Variants in TTBK2 observed in about 807,000 individuals in gnomAD.
TTBK2 encodes tau tubulin kinase 2.
Under a neutral mutation model 110.8 loss-of-function variants are expected in TTBK2, and 28 were observed. The observed-to-expected ratio is 0.25, with a 90% confidence interval of 0.19 to 0.35. TTBK2 has a LOEUF of 0.35. TTBK2 is among the 10% of genes least tolerant of loss of function. The pLI is 1.00. For missense variants in TTBK2, 1,369 were observed against 1,500.3 expected, an observed-to-expected ratio of 0.91 and a Z score of 1.45; for synonymous variants, 532 against 527.3, an observed-to-expected ratio of 1.01 and a Z score of -0.12.
intron 3 of TTBK2, among the ~76,000 whole-genome samples, chr15:42,862,270 G>C (rs1313170480): frequency 2.6e-5 from 4 of 152,002 alleles, no homozygotes; most frequent in African/African-American, 7.2e-5. Context: ...AAATTTGGCA[G>C]AAACACAATA....
chr15:42,888,130 C>T (rs577288257), intron 1 of TTBK2, among the ~76,000 whole-genome samples: 3 of 152,062 alleles, frequency 2.0e-5, no homozygotes, highest in Non-Finnish European at 2.9e-5. Context: ...GTGCAGTGAC[C>T]ACCACTGCTT....
chr15:42,854,509 C>T (rs923813663), intron 3 of TTBK2, among the ~76,000 whole-genome samples: 1 of 152,112 alleles, frequency 6.6e-6, no homozygotes, highest in Admixed American at 6.6e-5. Flanking sequence ...TGAGGAAAAA[C>T]AATTGGTTTT....
At chr15:42,842,889 A>T (rs1893284607) in intron 3 of TTBK2, among the ~76,000 whole-genome samples, 1 of 152,184 alleles carries the variant, frequency 6.6e-6, no homozygotes. Flanking sequence ...TGATCACTTA[A>T]CATGTATTTT....
At chr15:42,754,710 T>G (rs1217602787) in intron 13 of TTBK2, among the ~76,000 whole-genome samples, 1 of 140,510 alleles carries the variant, frequency 7.1e-6, no homozygotes, top group Non-Finnish European at 1.5e-5. Context: ...ACCTGACCAA[T>G]TTTTAAAGAT....
intron 2 of TTBK2, among the ~76,000 whole-genome samples, chr15:42,874,033 G>C (rs903233926): frequency 3.3e-5 from 5 of 151,980 alleles, no homozygotes; most frequent in African/African-American, 1.2e-4. Flanking sequence ...CACTTTACCA[G>C]GCCATACCTC....
intron 10 of TTBK2, among the ~76,000 whole-genome samples, chr15:42,791,867 C>T (rs759575302): frequency 7.3e-5 from 11 of 151,614 alleles, no homozygotes; most frequent in Admixed American, 2.0e-4. Flanking sequence ...GTAGGCTGGG[C>T]GTGGTGGCTC....
In TTBK2 at chr15:42,746,196, C is replaced by A; in HGVS notation, c.3334G>T (p.Ala1112Ser). 6.2e-7 allele frequency: 1 copy of A among 1,614,036 alleles called. No individual in the cohort carries two copies. The highest frequency in any genetic ancestry group is 8.5e-7 in the Non-Finnish European group (1 of 1,180,004). ...TGAGATCCATTTTGAAGAATTTGGG[C>A]CAGGCGGGAGAAAAGGTCTGAGTCG... is the stretch of plus-strand genomic sequence containing the variant. Reference protein sequence around the residue: ...NSDSDLFSRLAQILQNGSQKP... With the variant: ...NSDSDLFSRLSQILQNGSQKP... Residue 1112 changes from alanine (A) to serine (S), a missense_variant, in exon 15 of 15, where the codon GCC becomes TCC. Coordinates refer to ENST00000267890, the MANE Select transcript of TTBK2 (RefSeq NM_173500.4).
intron 13 of TTBK2, among the ~76,000 whole-genome samples, chr15:42,765,132 A>G (rs565222239): frequency 7.8e-4 from 119 of 152,368 alleles, no homozygotes; most frequent in African/African-American, 2.8e-3. Context: ...AAAGGTAGAT[A>G]AAACCACAAA....
At chr15:42,747,461 G>T (rs966245994) in intron 14 of TTBK2, among the ~76,000 whole-genome samples, 1 of 152,186 alleles carries the variant, frequency 6.6e-6, no homozygotes, top group Non-Finnish European at 1.5e-5. Context: ...TTCCACGATG[G>T]GGGGAGGAGG....
intron 9 of TTBK2, among the ~76,000 whole-genome samples, chr15:42,796,400 CA>C (rs544574085): frequency 2.0e-4 from 30 of 146,880 alleles, no homozygotes; most frequent in Non-Finnish European, 2.8e-4. Context: ...ACTCGGGTCT[CA>C]AAAAAAAAGA....
chr15:42,837,770 T>A (rs1893052546), intron 4 of TTBK2, among the ~76,000 whole-genome samples: 1 of 151,780 alleles, frequency 6.6e-6, no homozygotes, highest in African/African-American at 2.4e-5. Context: ...AAGATTATAG[T>A]CTACAGACGT....
chr15:42,857,963 G>A (rs560304087), intron 3 of TTBK2, among the ~76,000 whole-genome samples: 1 of 151,966 alleles, frequency 6.6e-6, no homozygotes, highest in Non-Finnish European at 1.5e-5. Flanking sequence ...CATGCCTGTC[G>A]TCCCAGCTAC....
intron 7 of TTBK2, among the ~76,000 whole-genome samples, 172 bp downstream of exon 7, chr15:42,816,860 G>A (rs943178424): frequency 4.0e-5 from 6 of 151,608 alleles, no homozygotes; most frequent in Admixed American, 1.3e-4. Flanking sequence ...CAGAGGTTGC[G>A]GTGAGCCAAG....
At chr15:42,816,893 C>G (rs1308824927) in intron 7 of TTBK2, 139 bp downstream of exon 7, 1 of 391,534 alleles carries the variant, frequency 2.6e-6, no homozygotes, top group Non-Finnish European at 3.8e-6. Context: ...CACTCCAGCC[C>G]GGGCGACAGT....
intron 9 of TTBK2, among the ~76,000 whole-genome samples, chr15:42,803,475 A>C (rs1314554743): frequency 6.6e-6 from 1 of 152,170 alleles, no homozygotes; most frequent in Non-Finnish European, 1.5e-5. Context: ...TGGCTGCCCC[A>C]GGACCTGAGG....
At chr15:42,801,412 G>C (rs376629186) in intron 9 of TTBK2, 3 of 1,132,198 alleles carry the variant, frequency 2.6e-6, no homozygotes. Context: ...GTATCTGCGT[G>C]GCAGCCTCCA....
chr15:42,865,622 G>A (rs1894344694), intron 3 of TTBK2, among the ~76,000 whole-genome samples: 1 of 151,676 alleles, frequency 6.6e-6, no homozygotes, highest in Non-Finnish European at 1.5e-5. Flanking sequence ...CAGGAGTTGG[G>A]GGCCGGTCTG....
At chr15:42,746,504 C>T (rs944760576) in intron 14 of TTBK2, among the ~76,000 whole-genome samples, 8 of 152,162 alleles carry the variant, frequency 5.3e-5, no homozygotes, top group East Asian at 3.9e-4. Context: ...GACCCAAGTA[C>T]GTAGATGAAC....
intron 4 of TTBK2, among the ~76,000 whole-genome samples, chr15:42,838,626 G>C (rs191163963): frequency 2.0e-5 from 3 of 152,226 alleles, no homozygotes; most frequent in African/African-American, 7.2e-5. Flanking sequence ...CGCCAGCCTG[G>C]CCAACATGAT....
Sources: gnomAD v4.1 joint callset for allele counts (sites outside exome capture counted in the v4.1 genomes callset) on GRCh38, gnomAD v4.1.1 for gene constraint, MANE v1.5 for transcripts, NCBI Gene and HGNC (gene_info 2026-07-23, HGNC 2026-07-21) for gene names.